The following COL6A3 variants were observed in gnomAD, a reference collection of about 807,000 sequenced individuals.
COL6A3 encodes the protein collagen type VI alpha 3 chain, also known as collagen alpha-3(VI) chain.
Under a neutral mutation model 274.1 loss-of-function variants are expected in COL6A3, and 137 were observed. The observed-to-expected ratio is 0.50, with a 90% CI of 0.44 to 0.58. The LOEUF (loss-of-function observed/expected upper bound fraction) is 0.58. Among genes scored for constraint, COL6A3 ranks in the 20% least tolerant of loss-of-function variants. COL6A3 has a pLI of 0.00. For missense variants in COL6A3, 3,950 were observed against 4,124.9 expected, an observed-to-expected ratio of 0.96 and a Z score of 1.16; for synonymous variants, 1,650 against 1,650.6, an observed-to-expected ratio of 1.00 and a Z score of 0.01.
At position 237,350,361 on chromosome 2, in the gene COL6A3, A is replaced by G. The variant is rs964168933; in HGVS notation, c.6817-152T>C. ...AATGATTTTCTAAATTGCAACATTC[A>G]TGTGCAAACTCCTGGAAAAGAATCC... On this transcript the variant is annotated intron_variant, in intron 27 of 43. Transcript: ENST00000295550. 5 of 737,048 alleles carry G rather than the reference A, an allele frequency of 6.8e-6. No individual in the cohort carries two copies. The African/African-American group carries it at 8.7e-5, about 13-fold the overall frequency. The allele number at this position is 737,048 out of a possible 1,614,324, so 45.7% of individuals were successfully genotyped here.
At chr2:237,362,433 A>G (rs2077457973) in intron 14 of COL6A3, among the ~76,000 whole-genome samples, 1 of 152,236 alleles carries the variant, frequency 6.6e-6, no homozygotes, top group Non-Finnish European at 1.5e-5. Flanking sequence ...TTATGTGGGA[A>G]AGGGCATGCC....
chr2:237,328,311 T>C (rs191136543), intron 42 of COL6A3: 3 of 152,168 alleles, frequency 2.0e-5, no homozygotes, highest in Non-Finnish European at 4.4e-5. Flanking sequence ...TAAAACCCTG[T>C]TCTGGGAATC....
At chr2:237,350,317 AC>A (rs1163179180) in intron 27 of COL6A3, 108 bp from the exon 28 acceptor site, 1 of 939,394 alleles carries the variant, frequency 1.1e-6, no homozygotes, top group Non-Finnish European at 1.7e-6. Context: ...TGCTGACTTC[AC>A]CTTTGAGATT....
chr2:237,345,274 C>A, intron 32 of COL6A3, 61 bp from the exon 33 acceptor site: 3 of 1,548,410 alleles, frequency 1.9e-6, no homozygotes, highest in Non-Finnish European at 2.7e-6. Flanking sequence ...AATAAACAGG[C>A]TTTGGCCCCC....
chr2:237,349,155 C>T (rs774024190), intron 28 of COL6A3, among the ~76,000 whole-genome samples: 1 of 151,410 alleles, frequency 6.6e-6, no homozygotes, highest in African/African-American at 2.4e-5. Flanking sequence ...CTTTCCAACA[C>T]CTCCCCCCAG....
intron 28 of COL6A3, among the ~76,000 whole-genome samples, 169 bp from the exon 29 acceptor site, chr2:237,348,832 G>A (rs570465050): frequency 9.2e-5 from 14 of 152,284 alleles, no homozygotes; most frequent in African/African-American, 3.4e-4. Context: ...TCTTCCAAGT[G>A]TGAACAAGAC....
chr2:237,352,887 AC>A (rs2077236866), intron 25 of COL6A3, among the ~76,000 whole-genome samples: 1 of 152,216 alleles, frequency 6.6e-6, no homozygotes, highest in Non-Finnish European at 1.5e-5. Flanking sequence ...ATCTCCATCA[AC>A]CAATGAGTGG....
Position 237,366,821 on chromosome 2 carries a change from A to G in COL6A3, c.5366T>C (p.Ile1789Thr). 1.2e-6 allele frequency: 2 copies of G among 1,614,242 alleles called. No individual in the cohort carries two copies. Among genetic ancestry groups the G allele is most frequent in the African/African-American group, 1.3e-5 (1 of 75,062 alleles). ...RNIDSEEVGK[I>T]ASNSATAFRV... ...GAACGCTGTGGCGCTGTTGGACGCT[A>G]TCTTTCCAACCTCCTCCGAGTCGAT... Residue 1789 changes from isoleucine (I) to threonine (T), a missense_variant, in exon 11 of 44, where the codon ATA becomes ACA. Around this residue, in one of 5 missense-constraint regions of COL6A3, gnomAD observed 632 missense variants for 623.4 expected, o/e 1.01. Coordinates refer to ENST00000295550, the MANE Select transcript of COL6A3 (RefSeq NM_004369.4).
chr2:237,357,304 T>A, intron 23 of COL6A3, 34 bp downstream of exon 23: 1 of 1,602,902 alleles, frequency 6.2e-7, no homozygotes, highest in Non-Finnish European at 8.5e-7. Context: ...CTAAGAATTG[T>A]CACAGAGCCC....
At chr2:237,331,348 C>G (rs1432670513) in intron 42 of COL6A3, among the ~76,000 whole-genome samples, 1 of 151,734 alleles carries the variant, frequency 6.6e-6, no homozygotes, top group Admixed American at 6.6e-5. Flanking sequence ...CCCCCCACCC[C>G]AGGGGAAATA....
At chr2:237,356,170 G>A (rs892788985) in intron 23 of COL6A3, among the ~76,000 whole-genome samples, 1 of 152,154 alleles carries the variant, frequency 6.6e-6, no homozygotes, top group African/African-American at 2.4e-5. Context: ...TTAATTGTAT[G>A]AACTACTCAA....
rs1475973288 is a variant in COL6A3, at chr2:237,388,053, C to T, written c.841G>A (p.Val281Met). ...KLPIGTQQIR[V>M]GVVQFSDEPR... ...TCATCGCTAAACTGGACCACCCCCA[C>T]TCGGATCTGCTGAGTTCCAATTGGG... The change falls in exon 4 of 44, where the codon GTG becomes ATG. Residue 281 changes from valine to methionine, a missense_variant. Around this residue, in one of 5 missense-constraint regions of COL6A3, gnomAD observed 1,934 missense variants for 1,984.3 expected, o/e 0.97. Transcript: ENST00000295550. 1 of 1,614,060 alleles carries T rather than the reference C, an allele frequency of 6.2e-7. No individual in the cohort carries two copies. Among genetic ancestry groups the T allele is most frequent in the African/African-American group, 1.3e-5 (1 of 74,922 alleles).
intron 33 of COL6A3, 37 bp from the exon 34 acceptor site, chr2:237,345,131 A>C (rs1463643664): frequency 1.4e-5 from 23 of 1,614,030 alleles, no homozygotes; most frequent in Non-Finnish European, 1.9e-5. Flanking sequence ...AAAGAGAGCA[A>C]ATCAAAGGCT....
rs987550949 is a variant in COL6A3, at chr2:237,341,177, G to T, written c.7766-27C>A. ...TAGAAAGAAGCATGGCAGCCTATTTGTTCTGTGACACCCACAGCAGGATAC... is the reference window on the plus strand; with the variant it reads ...TAGAAAGAAGCATGGCAGCCTATTTTTTCTGTGACACCCACAGCAGGATAC... On this transcript the variant is annotated intron_variant, in intron 37 of 43. Coordinates refer to ENST00000295550, the MANE Select transcript of COL6A3 (RefSeq NM_004369.4). 4 of 1,593,404 alleles carry T rather than the reference G, an allele frequency of 2.5e-6. No homozygotes were observed. In the African/African-American group the frequency reaches 5.4e-5, roughly 21 times the overall value.
At chr2:237,333,627 G>T (rs548258510) in intron 41 of COL6A3, 79 bp from the exon 42 acceptor site, 4 of 1,224,222 alleles carry the variant, frequency 3.3e-6, no homozygotes, top group African/African-American at 1.5e-5. Context: ...CTGATATAAG[G>T]TTGCCTGCTG....
At chr2:237,360,294 G>A (rs1352821928) in intron 16 of COL6A3, 135 bp from the exon 17 acceptor site, 19 of 858,688 alleles carry the variant, frequency 2.2e-5, no homozygotes, top group Middle Eastern at 2.1e-4. Flanking sequence ...AACGCCGATC[G>A]AGGCTACGTG....
chr2:237,366,179 G>A, intron 11 of COL6A3, 144 bp from the exon 12 acceptor site: 1 of 734,410 alleles, frequency 1.4e-6, no homozygotes, highest in South Asian at 1.6e-5. Context: ...TGTGAGCTTT[G>A]AGAAGCAATT....
chr2:237,363,191 T>C (rs2077476067), intron 14 of COL6A3, 62 bp downstream of exon 14: 3 of 1,557,110 alleles, frequency 1.9e-6, no homozygotes, highest in Admixed American at 1.7e-5. Flanking sequence ...TTCATTCTCT[T>C]GAAATGCCAA....
In COL6A3 at chr2:237,363,396, C is replaced by T. The variant is rs1478555923; in HGVS notation, c.5920G>A (p.Val1974Ile). The T allele has an allele frequency of 6.2e-7, 1 of 1,614,056 alleles. No individual in the cohort carries two copies. Among genetic ancestry groups the T allele is most frequent in the Non-Finnish European group, 8.5e-7 (1 of 1,180,046 alleles). Residue 1974 changes from valine to isoleucine, a missense_variant and splice_region_variant, in exon 14 of 44, where the codon GTC becomes ATC. Val to Ile is a conservative substitution (Grantham distance 29, BLOSUM62 3). Transcript: ENST00000295550. ...RASENLRQEG[V>I]RALILVGLER... is the part of the protein sequence containing the mutation. ...AGGCCCACCAGGATCAAGGCACGGA[C>T]TCCTGCAAAGAAAGACACATTTAAT...
Sources: allele counts gnomAD v4.1 joint callset (sites outside exome capture counted in the v4.1 genomes callset), GRCh38; gene constraint gnomAD v4.1.1; regional missense constraint gnomAD v4.1.1; transcripts MANE v1.5; gene names NCBI Gene and HGNC (gene_info 2026-07-23, HGNC 2026-07-21).